KCNIP3: variants seen among roughly 807,000 people sequenced by gnomAD.
The protein encoded by KCNIP3 is calsenilin.
In KCNIP3, 28 loss-of-function variants were observed where a neutral mutation model predicts 35.0. The ratio of observed to expected loss-of-function variants is 0.80; its 90% CI spans 0.59 to 1.10. KCNIP3 has a LOEUF of 1.10. KCNIP3 is among the 50% of genes least tolerant of loss of function. KCNIP3 has a pLI of 0.00. For missense variants in KCNIP3, 295 were observed against 338.4 expected (o/e 0.87, Z 1.01); for synonymous variants, 134 against 133.8 (o/e 1.00, Z -0.01).
At chr2:95,364,901 A>T (rs190610570) in intron 2 of KCNIP3, among the ~76,000 whole-genome samples, 1 of 152,110 alleles carries the variant, frequency 6.6e-6, no homozygotes, top group Non-Finnish European at 1.5e-5. Flanking sequence ...CCTGGGCAAC[A>T]TGACAAAACC....
intron 2 of KCNIP3, among the ~76,000 whole-genome samples, chr2:95,360,124 C>A (rs1224557454): frequency 6.6e-6 from 1 of 151,886 alleles, no homozygotes; most frequent in African/African-American, 2.4e-5. Flanking sequence ...GCTGGGTATC[C>A]CAGTTCATCA....
At chr2:95,341,583 C>G (rs1398261306) in intron 2 of KCNIP3, among the ~76,000 whole-genome samples, 1 of 152,060 alleles carries the variant, frequency 6.6e-6, no homozygotes, top group Non-Finnish European at 1.5e-5. Context: ...TATCCATAGC[C>G]CACTGTGCAA....
intron 2 of KCNIP3, among the ~76,000 whole-genome samples, chr2:95,350,654 G>A (rs113733089): frequency 0.042 from 6,453 of 152,240 alleles, 186 homozygotes; most frequent in Non-Finnish European, 0.06. Flanking sequence ...GGGTGTGCTC[G>A]GTGTCATCAG....
chr2:95,351,619 C>T lies in KCNIP3; in HGVS notation c.182-22677C>T, dbSNP rs6752863. 6.2e-3 allele frequency among the ~76,000 whole-genome samples: 947 copies of T among 152,324 alleles called. 10 individuals are homozygous for T. Among genetic ancestry groups the T allele is most frequent in the African/African-American group, 0.022 (896 of 41,554 alleles). ...GTTTGGGATGTATTTTCTATCACTG[C>T]TGTGACAGATTCCCACAGATGTCAT... On this transcript the variant is annotated intron_variant, in intron 2 of 8. Coordinates refer to ENST00000295225, the MANE Select transcript of KCNIP3 (RefSeq NM_013434.5).
rs564091087 is a variant in KCNIP3, at chr2:95,378,353, C to T, written c.447+3145C>T. ...ATGTTGTCCAGGCTAGTCTTGAAAT[C>T]CTGGCCTCAAGCAATTCTCCTGTCT... On this transcript the variant is annotated intron_variant, in intron 5 of 8. Transcript: ENST00000295225. The surrounding 1 kb of genome is among the most constrained non-coding windows in gnomAD (Gnocchi z 4.0). 2.6e-3 allele frequency among the ~76,000 whole-genome samples: 401 copies of T among 152,162 alleles called. 2 individuals carry two copies. The highest frequency in any genetic ancestry group is 4.8e-3 in the Non-Finnish European group (325 of 68,008).
At chr2:95,317,195 C>T (rs1457228081) in intron 2 of KCNIP3, among the ~76,000 whole-genome samples, 2 of 152,240 alleles carry the variant, frequency 1.3e-5, no homozygotes, top group African/African-American at 4.8e-5. Flanking sequence ...TGTGTGAGAG[C>T]AGGCTGTTCC....
Position 95,377,941 on chromosome 2 carries a change from G to A in KCNIP3, c.447+2733G>A, listed in dbSNP as rs1363663980. Among the ~76,000 whole-genome samples the A allele has an allele frequency of 2.0e-5, 3 of 152,156 alleles. No individual in the cohort carries two copies. Among genetic ancestry groups the A allele is most frequent in the East Asian group, 3.9e-4 (2 of 5,184 alleles). On this transcript the variant is annotated intron_variant, in intron 5 of 8. Coordinates refer to ENST00000295225, the MANE Select transcript of KCNIP3 (RefSeq NM_013434.5). This position sits in a 1 kb window ranked among gnomAD's most constrained non-coding sequence, Gnocchi z 4.7. ...AGCTGAAGATAAGGTGGAGGACAGC[G>A]GTGCCTGCCCAGGGTCCCCAGGAGA...
chr2:95,331,366 C>T (rs1384206918), intron 2 of KCNIP3, among the ~76,000 whole-genome samples: 2 of 151,692 alleles, frequency 1.3e-5, no homozygotes, highest in Non-Finnish European at 2.9e-5. Context: ...GCTGGCCTGG[C>T]GTGAGGGGAG....
At chr2:95,298,368 G>A (rs1289068031) in intron 1 of KCNIP3, among the ~76,000 whole-genome samples, 1 of 152,102 alleles carries the variant, frequency 6.6e-6, no homozygotes, top group Non-Finnish European at 1.5e-5. Flanking sequence ...TTTCAGGCCT[G>A]CCCTGTATCA....
intron 2 of KCNIP3, chr2:95,314,030 T>TC (rs1449477199): frequency 6.7e-6 from 1 of 149,716 alleles, no homozygotes; most frequent in Non-Finnish European, 1.5e-5. Flanking sequence ...CACATGCCCC[T>TC]CCCCCAGAGA....
chr2:95,338,560 C>T (rs1679116547), intron 2 of KCNIP3, among the ~76,000 whole-genome samples: 1 of 152,160 alleles, frequency 6.6e-6, no homozygotes, highest in Admixed American at 6.5e-5. Flanking sequence ...GACCCATTGG[C>T]CCAAACTATA....
chr2:95,383,346 G>GT lies in KCNIP3; in HGVS notation c.723+53dup, dbSNP rs1558781432. The GT allele has an allele frequency of 1.9e-6, 3 of 1,578,758 alleles. No homozygotes were observed. The East Asian group carries it at 6.8e-5, about 36-fold the overall frequency. ...AGTTCTCTGCAGGCTCTACACGGAG[G>GT]TGGGTGGTTGGCAGCGTCTGCCCCT... is the stretch of plus-strand genomic sequence containing the variant. On this transcript the variant is annotated intron_variant, in intron 8 of 8. Transcript: ENST00000295225.
intron 2 of KCNIP3, among the ~76,000 whole-genome samples, chr2:95,316,151 T>A (rs1678455002): frequency 6.6e-6 from 1 of 152,246 alleles, no homozygotes. Context: ...GGGCCTGCCA[T>A]GGCCCCGTAG....
At chr2:95,356,116 G>A (rs552317616) in intron 2 of KCNIP3, among the ~76,000 whole-genome samples, 10 of 152,188 alleles carry the variant, frequency 6.6e-5, no homozygotes, top group East Asian at 5.8e-4. Context: ...GCATTTTTTC[G>A]TGTGTCTGTT....
At chr2:95,330,230 G>A (rs1312147334) in intron 2 of KCNIP3, among the ~76,000 whole-genome samples, 6 of 152,182 alleles carry the variant, frequency 3.9e-5, no homozygotes, top group Non-Finnish European at 7.3e-5. Flanking sequence ...AGGTGACAGG[G>A]GAGGCTGATT....
At chr2:95,341,194 T>C (rs1445702733) in intron 2 of KCNIP3, among the ~76,000 whole-genome samples, 4 of 152,196 alleles carry the variant, frequency 2.6e-5, no homozygotes, top group Non-Finnish European at 5.9e-5. Flanking sequence ...GTTCTCACGA[T>C]ACAGAGTGAG....
At chr2:95,339,209 C>T (rs1679133122) in intron 2 of KCNIP3, among the ~76,000 whole-genome samples, 1 of 152,172 alleles carries the variant, frequency 6.6e-6, no homozygotes, top group Non-Finnish European at 1.5e-5. Flanking sequence ...TGCTTTTGGC[C>T]CCAATTTCAG....
chr2:95,358,962 C>T (rs766672715), intron 2 of KCNIP3, among the ~76,000 whole-genome samples: 16 of 152,172 alleles, frequency 1.1e-4, no homozygotes, highest in Non-Finnish European at 1.9e-4. Flanking sequence ...GTCAGACCCC[C>T]CTTTCAAAAA....
intron 2 of KCNIP3, among the ~76,000 whole-genome samples, chr2:95,372,699 A>G (rs567368312): frequency 3.1e-4 from 47 of 152,208 alleles, no homozygotes; most frequent in African/African-American, 1.1e-3. Flanking sequence ...GCAGGTGGGT[A>G]GGTGTGGGGT....
Sources: allele counts gnomAD v4.1 joint callset (sites outside exome capture counted in the v4.1 genomes callset), GRCh38; gene constraint gnomAD v4.1.1; non-coding constraint Gnocchi (gnomAD v3.1); transcripts MANE v1.5; gene names NCBI Gene and HGNC (gene_info 2026-07-23, HGNC 2026-07-21).